SEMA5B: variants seen among roughly 807,000 people sequenced by gnomAD.
The protein encoded by SEMA5B is semaphorin-5B.
In SEMA5B, 66 loss-of-function variants were observed where a neutral mutation model predicts 135.0. The ratio of observed to expected loss-of-function variants is 0.49; its 90% CI spans 0.40 to 0.60. SEMA5B has a LOEUF of 0.60. Ranked by LOEUF, SEMA5B falls within the 20% of genes least tolerant of loss-of-function variation. The probability of loss-of-function intolerance (pLI) is 0.00; values close to 1 mark genes in which losing one functional copy is unlikely to be tolerated. For synonymous variants in SEMA5B, 690 were observed against 639.5 expected, an observed-to-expected ratio of 1.08 and a Z score of -1.19; for missense variants, 1,501 against 1,566.3, an observed-to-expected ratio of 0.96 and a Z score of 0.70.
At chr3:123,018,677 C>G (rs993881289) in intron 1 of SEMA5B, among the ~76,000 whole-genome samples, 3 of 152,202 alleles carry the variant, frequency 2.0e-5, no homozygotes, top group Non-Finnish European at 4.4e-5. Flanking sequence ...ATCTTTTTCT[C>G]AGGACCTCAA....
In SEMA5B at chr3:122,915,579, G is replaced by A; in HGVS notation, c.1849C>T (p.Pro617Ser). The A allele has an allele frequency of 1.2e-6, 2 of 1,613,962 alleles. No homozygotes were observed. Among genetic ancestry groups the A allele is most frequent in the Non-Finnish European group, 1.7e-6 (2 of 1,179,912 alleles). Residue 617 changes from proline to serine, a missense_variant, in exon 14 of 23, where the codon CCA (proline) becomes TCA (serine). By Grantham distance (74) the Pro-to-Ser change is moderately conservative (BLOSUM62 -1). This residue lies in a region of SEMA5B where 927 missense variants were observed against 881.6 expected (regional missense o/e 1.05). Coordinates refer to ENST00000357599, the MANE Select transcript of SEMA5B (RefSeq NM_001031702.4). The stretch of plus-strand genomic sequence containing the variant: ...TCCAAGTGCTCACATGGTTGCCATG[G>A]TGACCATGGGCCGAAGCCCCCATCC... ...TRDGGFGPWS[P>S]WQPCEHLDGD...
In SEMA5B at chr3:122,948,610, G is replaced by T. The variant is rs1244579299; in HGVS notation, c.224C>A (p.Thr75Lys). The T allele has an allele frequency of 6.2e-7, 1 of 1,614,078 alleles. No homozygotes were observed. The highest frequency in any genetic ancestry group is 1.1e-5 in the South Asian group (1 of 91,056). The change falls in exon 3 of 23, where the codon ACA (threonine) becomes AAA (lysine). Residue 75 changes from threonine (T) to lysine (K), a missense_variant. By Grantham distance (78) the Thr-to-Lys change is moderately conservative (BLOSUM62 -1). Around this residue, in one of 2 missense-constraint regions of SEMA5B, gnomAD observed 574 missense variants for 684.7 expected, o/e 0.84. Transcript: ENST00000357599. ...GCTGGAGAGGTGGGACACCAGCAGT[G>T]TGAGGCTGGGCAGCAACAGCGAGAC... ...LAVSLLLPSL[T>K]LLVSHLSSSQ...
intron 2 of SEMA5B, among the ~76,000 whole-genome samples, chr3:122,960,863 CAAGATG>C (rs1328690875): frequency 2.0e-5 from 3 of 152,080 alleles, no homozygotes; most frequent in Non-Finnish European, 4.4e-5. Flanking sequence ...TTCAGTTTTG[CAAGATG>C]AAGTGTTCTG....
At chr3:122,955,715 T>C (rs1239163393) in intron 2 of SEMA5B, among the ~76,000 whole-genome samples, 2 of 152,240 alleles carry the variant, frequency 1.3e-5, no homozygotes, top group African/African-American at 4.8e-5. Context: ...ATAAGGTTAA[T>C]AGCTTCTTGC....
chr3:122,977,642 T>C (rs531294105), intron 1 of SEMA5B, among the ~76,000 whole-genome samples: 1 of 152,096 alleles, frequency 6.6e-6, no homozygotes, highest in African/African-American at 2.4e-5. Flanking sequence ...CACAAAAACA[T>C]CCAGAATAAT....
At position 122,910,085 on chromosome 3, in the gene SEMA5B, T is replaced by A; in HGVS notation, c.*58A>T. On this transcript the variant is annotated 3_prime_UTR_variant, in exon 23 of 23. Transcript: ENST00000357599. ...AAACCAAACTGGCTCCACTGTCCCA[T>A]CTCCATCTGCTCTGTGCCTTATGAA... 6.3e-7 allele frequency: 1 copy of A among 1,577,752 alleles called. No homozygotes were observed. The highest frequency in any genetic ancestry group is 8.6e-7 in the Non-Finnish European group (1 of 1,160,526).
At chr3:123,003,010 G>A (rs1942220158) in intron 1 of SEMA5B, among the ~76,000 whole-genome samples, 2 of 152,124 alleles carry the variant, frequency 1.3e-5, no homozygotes, top group Admixed American at 1.3e-4. Flanking sequence ...CAGTGACCGT[G>A]ATAGGTAAAG....
At chr3:122,943,788 T>C (rs951066907) in intron 3 of SEMA5B, among the ~76,000 whole-genome samples, 3 of 152,144 alleles carry the variant, frequency 2.0e-5, no homozygotes, top group African/African-American at 7.2e-5. Context: ...GGGATACTTA[T>C]ACTCGCCCTT....
chr3:122,990,965 T>G (rs1192989891), intron 1 of SEMA5B, among the ~76,000 whole-genome samples: 1 of 152,214 alleles, frequency 6.6e-6, no homozygotes, highest in African/African-American at 2.4e-5. Context: ...CAAGTGTATG[T>G]GTACATATAT....
At chr3:122,976,633 T>G (rs1941329028) in intron 1 of SEMA5B, among the ~76,000 whole-genome samples, 1 of 152,232 alleles carries the variant, frequency 6.6e-6, no homozygotes, top group Non-Finnish European at 1.5e-5. Context: ...GTCACCAACA[T>G]TCTGCTGTAT....
chr3:122,966,554 A>ATTTTTTTTTTTTTTTTTT (rs1335935235), intron 1 of SEMA5B, among the ~76,000 whole-genome samples: 2 of 147,072 alleles, frequency 1.4e-5, no homozygotes, highest in African/African-American at 5.2e-5. Context: ...TATTATTATT[A>ATTTTTTTTTTTTTTTTTT]TTATTATTAT....
intron 2 of SEMA5B, among the ~76,000 whole-genome samples, chr3:122,949,215 G>A (rs1939938607): frequency 6.6e-6 from 1 of 152,112 alleles, no homozygotes; most frequent in Non-Finnish European, 1.5e-5. Flanking sequence ...AGCCATCAAA[G>A]AAAAGATAGA....
At chr3:122,912,418 C>A in intron 18 of SEMA5B, 76 bp from the exon 19 acceptor site, 4 of 1,354,954 alleles carry the variant, frequency 3.0e-6, no homozygotes, top group Non-Finnish European at 4.0e-6. Flanking sequence ...CATACCAGCC[C>A]AGACCACTCT....
chr3:122,939,561 C>T (rs1939460277), intron 4 of SEMA5B, 91 bp from the exon 5 acceptor site: 1 of 960,662 alleles, frequency 1.0e-6, no homozygotes, highest in Non-Finnish European at 1.7e-6. Context: ...CCTGGGACGC[C>T]AGGACTGGGT....
At position 123,014,616 on chromosome 3, in the gene SEMA5B, C is replaced by A. The variant is rs192762834; in HGVS notation, c.-39+12848G>T. 1.1e-3 allele frequency among the ~76,000 whole-genome samples: 175 copies of A among 152,348 alleles called. 2 individuals are homozygous for A. Among genetic ancestry groups the A allele is most frequent in the Non-Finnish European group, 1.9e-3 (131 of 68,028 alleles). On this transcript the variant is annotated intron_variant, in intron 1 of 22. Coordinates refer to ENST00000357599, the MANE Select transcript of SEMA5B (RefSeq NM_001031702.4). Reference sequence around the variant, plus strand: ...CTGCAGAGCTCCAACCCACACCACCCCATTCAACCTCTTAGCAAATCCTTG... The same window carrying A: ...CTGCAGAGCTCCAACCCACACCACCACATTCAACCTCTTAGCAAATCCTTG...
In SEMA5B at chr3:122,943,452, G is replaced by T. The variant is rs1195803219; in HGVS notation, c.412C>A (p.Leu138Ile). 1.2e-6 allele frequency: 2 copies of T among 1,606,526 alleles called. No individual in the cohort carries two copies. The highest frequency in any genetic ancestry group is 2.3e-5 in the South Asian group (2 of 88,836). ...CCTTGTTACCTGGCTCCCACGATGA[G>T]CTGGTTCCCGGAGGGGTCCAAAGCC... ...QLALDPSGNQ[L>I]IVGARNYLFR... The change falls in exon 4 of 23, where the codon CTC becomes ATC. Residue 138 changes from leucine (L) to isoleucine (I), a missense_variant. Transcript: ENST00000357599.
chr3:123,025,809 C>T (rs1259643947), intron 1 of SEMA5B, among the ~76,000 whole-genome samples: 1 of 152,358 alleles, frequency 6.6e-6, no homozygotes, highest in South Asian at 2.1e-4. Context: ...CCCATCTCTC[C>T]TATATTTTAT....
intron 1 of SEMA5B, among the ~76,000 whole-genome samples, chr3:122,983,736 AAAAAAAAAAAAAAAAAG>A (rs1941607981): frequency 1.4e-5 from 2 of 145,208 alleles, no homozygotes; most frequent in African/African-American, 2.5e-5. Flanking sequence ...AAAAAAAAAA[AAAAAAAAAAAAAAAAAG>A]GTAGATTGGA....
At chr3:122,962,878 A>G (rs1428192084) in intron 1 of SEMA5B, among the ~76,000 whole-genome samples, 1 of 151,490 alleles carries the variant, frequency 6.6e-6, no homozygotes, top group East Asian at 1.9e-4. Context: ...CACCACCCTT[A>G]CTCTCATTTG....
Sources: allele counts gnomAD v4.1 joint callset (sites outside exome capture counted in the v4.1 genomes callset), GRCh38; gene constraint gnomAD v4.1.1; regional missense constraint gnomAD v4.1.1; transcripts MANE v1.5; gene names NCBI Gene and HGNC (gene_info 2026-07-23, HGNC 2026-07-21).